Variants in ACSL1 observed in about 807,000 individuals in gnomAD.
ACSL1 encodes the protein long-chain-fatty-acid--CoA ligase 1.
Under a neutral mutation model 98.4 loss-of-function variants are expected in ACSL1, and 41 were observed. That is an observed-to-expected ratio of 0.42 (90% CI 0.32 to 0.54). The LOEUF (loss-of-function observed/expected upper bound fraction) is 0.54. Among genes scored for constraint, ACSL1 ranks in the 20% least tolerant of loss-of-function variants. ACSL1 has a pLI of 0.13. For synonymous variants in ACSL1, 316 were observed against 322.7 expected (o/e 0.98, Z 0.22); for missense variants, 734 against 883.1 (o/e 0.83, Z 2.14).
chr4:184,806,407 G>A (rs1298464365), intron 1 of ACSL1, among the ~76,000 whole-genome samples: 1 of 152,084 alleles, frequency 6.6e-6, no homozygotes, highest in Non-Finnish European at 1.5e-5. Flanking sequence ...CAGCACTCCA[G>A]GCCTGAATAG....
chr4:184,773,229 T>C lies in ACSL1; in HGVS notation c.842-75A>G. 1 of 1,372,580 alleles carries C rather than the reference T, an allele frequency of 7.3e-7. No individual in the cohort carries two copies. Among genetic ancestry groups the C allele is most frequent in the South Asian group, 1.2e-5 (1 of 84,348 alleles). 85.0% of individuals were successfully genotyped at this position (1,372,580 alleles called of 1,614,324 possible). A position where few individuals can be genotyped will look rare whatever the true frequency, so the allele number is the denominator to read the frequency against. On this transcript the variant is annotated intron_variant, in intron 9 of 20. Coordinates refer to ENST00000281455, the MANE Select transcript of ACSL1 (RefSeq NM_001995.5). This position sits in a 1 kb window ranked among gnomAD's most constrained non-coding sequence, Gnocchi z 4.3. ...AGGAGGCCCAGAAACCTCACATAATTAGGGCTTCAGACACCTCTACTGTTA... is the reference window on the plus strand; with the variant it reads ...AGGAGGCCCAGAAACCTCACATAATCAGGGCTTCAGACACCTCTACTGTTA...
At chr4:184,776,742 TTG>T in intron 6 of ACSL1, 80 bp from the exon 7 acceptor site, 1 of 1,513,976 alleles carries the variant, frequency 6.6e-7, no homozygotes. Context: ...ACAAGGATAC[TTG>T]AAGTACTACA....
intron 3 of ACSL1, among the ~76,000 whole-genome samples, chr4:184,785,808 T>G (rs1164010328): frequency 6.6e-6 from 1 of 152,176 alleles, no homozygotes; most frequent in Non-Finnish European, 1.5e-5. Flanking sequence ...AAGCATAAAG[T>G]AAGTCACCAT....
At chr4:184,801,807 A>C (rs1291759792) in intron 2 of ACSL1, among the ~76,000 whole-genome samples, 3 of 152,246 alleles carry the variant, frequency 2.0e-5, no homozygotes, top group African/African-American at 7.2e-5. Flanking sequence ...TAGAGAGAAC[A>C]TATGTAATTA....
chr4:184,811,521 A>G (rs1772118304), intron 1 of ACSL1, among the ~76,000 whole-genome samples: 1 of 152,114 alleles, frequency 6.6e-6, no homozygotes. Context: ...AAAAGAAGGA[A>G]ATTTGGATAC....
At position 184,778,027 on chromosome 4, in the gene ACSL1, G is replaced by GT. The variant is rs540473366; in HGVS notation, c.478-1045dup. On this transcript the variant is annotated intron_variant, in intron 5 of 20. Coordinates refer to ENST00000281455, the MANE Select transcript of ACSL1 (RefSeq NM_001995.5). ...AAGTACCTTGTCTAGCAGCAAAACT[G>GT]TTTTGATAAAATCCCTCTAGAAAAG... Among the ~76,000 whole-genome samples, 391 of 152,242 alleles carry GT rather than the reference G, an allele frequency of 2.6e-3. 2 individuals are homozygous for GT. The highest frequency in any genetic ancestry group is 9.1e-3 in the African/African-American group (379 of 41,540).
intron 1 of ACSL1, among the ~76,000 whole-genome samples, chr4:184,820,252 C>T (rs1211814612): frequency 1.2e-3 from 183 of 151,926 alleles, no homozygotes; most frequent in Admixed American, 3.0e-3. Context: ...CTCCTGACCT[C>T]ATGATCCGCC....
In ACSL1 at chr4:184,825,430, C is replaced by T. The variant is rs1337782305; in HGVS notation, c.-33+486G>A. Reference sequence around the variant, plus strand: ...GTGCCGCCGCGCTGCGTGGGGCCGGCATCTCAGCGGGCGCGAGTGCAGTCT... The same window carrying T: ...GTGCCGCCGCGCTGCGTGGGGCCGGTATCTCAGCGGGCGCGAGTGCAGTCT... On this transcript the variant is annotated intron_variant, in intron 1 of 20. Coordinates refer to ENST00000281455, the MANE Select transcript of ACSL1 (RefSeq NM_001995.5). The surrounding 1 kb of genome is among the most constrained non-coding windows in gnomAD (Gnocchi z 4.7). Among the ~76,000 whole-genome samples, 1 of 152,088 alleles carries T rather than the reference C, an allele frequency of 6.6e-6. No homozygotes were observed. The highest frequency in any genetic ancestry group is 2.4e-5 in the African/African-American group (1 of 41,442).
chr4:184,814,290 C>CAAAAAAA (rs61541962), intron 1 of ACSL1, among the ~76,000 whole-genome samples: 1 of 64,550 alleles, frequency 1.5e-5, no homozygotes. Context: ...GACTCCGCCT[C>CAAAAAAA]AAAAAAAAAA....
At chr4:184,785,651 C>CT (rs1767156612) in intron 3 of ACSL1, among the ~76,000 whole-genome samples, 1 of 131,964 alleles carries the variant, frequency 7.6e-6, no homozygotes, top group Non-Finnish European at 1.6e-5. Flanking sequence ...TGCAAAGCAG[C>CT]TCCCTTCAAT....
chr4:184,776,370 C>A (rs769806035), intron 7 of ACSL1, 114 bp downstream of exon 7: 272 of 1,225,586 alleles, frequency 2.2e-4, no homozygotes, highest in Non-Finnish European at 8.1e-5. Context: ...GTTGCGGAGG[C>A]AACCGGCCAG....
At chr4:184,795,004 A>C (rs1579925882) in intron 2 of ACSL1, among the ~76,000 whole-genome samples, 1 of 152,188 alleles carries the variant, frequency 6.6e-6, no homozygotes, top group East Asian at 1.9e-4. Flanking sequence ...ACCAGAAAAA[A>C]AATCAGCTGA....
At chr4:184,788,294 ATGCCG>A (rs1338533459) in intron 3 of ACSL1, 30 of 406,358 alleles carry the variant, frequency 7.4e-5, no homozygotes, top group Non-Finnish European at 1.9e-5. Flanking sequence ...AGCATGAAAA[ATGCCG>A]GATTGGGCCC....
At chr4:184,801,302 T>C (rs1770473973) in intron 2 of ACSL1, among the ~76,000 whole-genome samples, 1 of 152,226 alleles carries the variant, frequency 6.6e-6, no homozygotes, top group Non-Finnish European at 1.5e-5. Context: ...ATTCTTCTCA[T>C]TTTAGTATCC....
At position 184,825,219 on chromosome 4, in the gene ACSL1, T is replaced by C. The variant is rs1228045133; in HGVS notation, c.-33+697A>G. The C allele has an allele frequency of 7.1e-6, 7 of 985,270 alleles. No homozygotes were observed. The highest frequency in any genetic ancestry group is 8.4e-6 in the Non-Finnish European group (7 of 829,932). The allele number at this position is 985,270 out of a possible 1,614,324, so 61.0% of individuals were successfully genotyped here. On this transcript the variant is annotated intron_variant, in intron 1 of 20. Transcript: ENST00000281455. The surrounding 1 kb of genome is among the most constrained non-coding windows in gnomAD (Gnocchi z 4.7). ...CGAATCCACGTGTCCATTCAAGTCA[T>C]CTACCGCCACTCTCCGTCTACGCTG...
At chr4:184,770,160 A>T in intron 11 of ACSL1, 1 of 1,192,634 alleles carries the variant, frequency 8.4e-7, no homozygotes, top group Non-Finnish European at 1.2e-6. Flanking sequence ...ACTCAGAAAA[A>T]GAATTTATAT....
chr4:184,811,822 T>C (rs1244556184), intron 1 of ACSL1, among the ~76,000 whole-genome samples: 3 of 152,212 alleles, frequency 2.0e-5, no homozygotes, highest in Non-Finnish European at 2.9e-5. Flanking sequence ...TTATGTTATA[T>C]ATATTTTACC....
At position 184,765,788 on chromosome 4, in the gene ACSL1, AG is replaced by A. The variant is rs967002651; in HGVS notation, c.1359+102del. 5.4e-5 allele frequency: 50 copies of A among 926,038 alleles called. No homozygotes were observed. The African/African-American group carries it at 7.9e-4, about 15-fold the overall frequency. 57.4% of individuals were successfully genotyped at this position (926,038 alleles called of 1,614,324 possible). A position where few individuals can be genotyped will look rare whatever the true frequency, so the allele number is the denominator to read the frequency against. ...TAAATATAGATACGCTTGTCAATTA[AG>A]AAAGAACACACACACACACACACAG... On this transcript the variant is annotated intron_variant, in intron 14 of 20. Coordinates refer to ENST00000281455, the MANE Select transcript of ACSL1 (RefSeq NM_001995.5).
intron 1 of ACSL1, among the ~76,000 whole-genome samples, chr4:184,805,126 C>A (rs1340839179): frequency 6.6e-6 from 1 of 152,176 alleles, no homozygotes; most frequent in Non-Finnish European, 1.5e-5. Flanking sequence ...ACAGACACTT[C>A]TCAAAAGAAG....
Sources: gnomAD v4.1 joint callset for allele counts (sites outside exome capture counted in the v4.1 genomes callset) on GRCh38, gnomAD v4.1.1 for gene constraint, Gnocchi (gnomAD v3.1) non-coding constraint, MANE v1.5 for transcripts, NCBI Gene and HGNC (gene_info 2026-07-23, HGNC 2026-07-21) for gene names.